MPHOSPH9: variants seen among roughly 807,000 people sequenced by gnomAD.
The protein encoded by MPHOSPH9 is M-phase phosphoprotein 9.
In MPHOSPH9, 88 loss-of-function variants were observed where a neutral mutation model predicts 145.5. The ratio of observed to expected loss-of-function variants is 0.60; its 90% confidence interval spans 0.51 to 0.72. MPHOSPH9 has a LOEUF of 0.72. Among genes scored for constraint, MPHOSPH9 ranks in the 30% least tolerant of loss-of-function variants. The probability of loss-of-function intolerance (pLI) is 0.00; values close to 1 mark genes in which losing one functional copy is unlikely to be tolerated. For missense variants in MPHOSPH9, 1,238 were observed against 1,386.6 expected (o/e 0.89, Z 1.70); for synonymous variants, 435 against 486.2 (o/e 0.89, Z 1.39).
At position 123,160,772 on chromosome 12, in the gene MPHOSPH9, A is replaced by T. The variant is rs1472632179; in HGVS notation, c.3450+9T>A. On this transcript the variant is annotated intron_variant, in intron 23 of 23. Transcript: ENST00000606320. ...GCCTCTAAAGCAGATTCAAGCTAAG[A>T]CATTTCACCTGATTTAATCTTGTCT... The T allele has an allele frequency of 6.2e-7, 1 of 1,613,134 alleles. No homozygotes were observed. Among genetic ancestry groups the T allele is most frequent in the East Asian group, 2.2e-5 (1 of 44,868 alleles).
chr12:123,155,614 CACTGCG>C lies in MPHOSPH9; in HGVS notation c.*1187_*1192del, dbSNP rs1253615377. On this transcript the variant is annotated 3_prime_UTR_variant, in exon 24 of 24. Coordinates refer to ENST00000606320, the MANE Select transcript of MPHOSPH9 (RefSeq NM_022782.4). Reference sequence around the variant, plus strand: ...ATGTACCGAGCTGGAATATGTGGGGCACTGCGTTCTGATTGGCTACCAAAAACTAAG... The same window carrying C: ...ATGTACCGAGCTGGAATATGTGGGGCTTCTGATTGGCTACCAAAAACTAAG... The C allele has an allele frequency of 2.0e-5, 3 of 152,214 alleles. No individual in the cohort carries two copies. The highest frequency in any genetic ancestry group is 7.2e-5 in the African/African-American group (3 of 41,452). 9.4% of individuals were successfully genotyped at this position (152,214 alleles called of 1,614,324 possible). A position where few individuals can be genotyped will look rare whatever the true frequency, so the allele number is the denominator to read the frequency against.
At chr12:123,220,323 T>A (rs560283026) in intron 5 of MPHOSPH9, among the ~76,000 whole-genome samples, 8 of 152,064 alleles carry the variant, frequency 5.3e-5, no homozygotes, top group Admixed American at 5.2e-4. Context: ...CCCAGCACTT[T>A]GGGAGGCTGA....
At chr12:123,157,129 T>C (rs372298728) in intron 23 of MPHOSPH9, among the ~76,000 whole-genome samples, 11 of 152,340 alleles carry the variant, frequency 7.2e-5, no homozygotes, top group Admixed American at 2.0e-4. Flanking sequence ...ATATTCTCAA[T>C]ATGTTTGACA....
chr12:123,194,690 T>C, intron 12 of MPHOSPH9, 89 bp from the exon 13 acceptor site: 1 of 914,266 alleles, frequency 1.1e-6, no homozygotes, highest in Non-Finnish European at 1.6e-6. Context: ...GGCGCAATCT[T>C]GGCCTACTGC....
At position 123,221,560 on chromosome 12, in the gene MPHOSPH9, C is replaced by T. The variant is rs142692470; in HGVS notation, c.684G>A (p.Gln228=). Residue 228 remains glutamine, a synonymous_variant, in exon 5 of 24, where the codon CAG becomes CAA. Coordinates refer to ENST00000606320, the MANE Select transcript of MPHOSPH9 (RefSeq NM_022782.4). The part of the protein sequence containing the change: ...FMEHIDVPKG[Q]YVAPAVPAES... Reference sequence around the variant, plus strand: ...CAGCCGGCACCGCAGGTGCTACATACTGTCCTTTGGGAACATCTATGTGCT... The same window carrying T: ...CAGCCGGCACCGCAGGTGCTACATATTGTCCTTTGGGAACATCTATGTGCT... 1,244 of 1,614,210 alleles carry T rather than the reference C, an allele frequency of 7.7e-4. 11 individuals carry two copies. The African/African-American group carries it at 0.015, about 19-fold the overall frequency.
At chr12:123,197,086 G>A (rs2045988643) in intron 12 of MPHOSPH9, among the ~76,000 whole-genome samples, 1 of 139,700 alleles carries the variant, frequency 7.2e-6, no homozygotes, top group Admixed American at 7.6e-5. Flanking sequence ...AATTGATTGT[G>A]GTGGTGGTTG....
chr12:123,191,049 C>T (rs1209818011), intron 13 of MPHOSPH9, among the ~76,000 whole-genome samples: 1 of 152,070 alleles, frequency 6.6e-6, no homozygotes, highest in Non-Finnish European at 1.5e-5. Flanking sequence ...AGGCCAGGCG[C>T]GGTGGCTCAT....
intron 13 of MPHOSPH9, among the ~76,000 whole-genome samples, chr12:123,182,008 G>A (rs1381065373): frequency 6.6e-6 from 1 of 151,182 alleles, no homozygotes; most frequent in Non-Finnish European, 1.5e-5. Context: ...CTGGAGTACA[G>A]TGGCTCACTG....
chr12:123,216,533 G>C (rs755973341), intron 6 of MPHOSPH9, among the ~76,000 whole-genome samples: 39 of 152,038 alleles, frequency 2.6e-4, no homozygotes, highest in Non-Finnish European at 5.0e-4. Flanking sequence ...CAAATTTAGA[G>C]CAATAAGGGC....
chr12:123,189,730 C>G (rs920934129), intron 13 of MPHOSPH9, among the ~76,000 whole-genome samples: 1 of 151,900 alleles, frequency 6.6e-6, no homozygotes, highest in Non-Finnish European at 1.5e-5. Flanking sequence ...GTCAGGAGAT[C>G]GAGACCATCC....
At chr12:123,237,501 A>G (rs1237440812), upstream of MPHOSPH9, among the ~76,000 whole-genome samples, 1 of 152,192 alleles carries the variant, frequency 6.6e-6, no homozygotes, top group Non-Finnish European at 1.5e-5. Flanking sequence ...TTCATTAGCT[A>G]TCTCTTGAAT....
intron 16 of MPHOSPH9, among the ~76,000 whole-genome samples, chr12:123,169,155 G>A (rs911430785): frequency 6.6e-6 from 1 of 151,612 alleles, no homozygotes; most frequent in Non-Finnish European, 1.5e-5. Flanking sequence ...CCAAAGTGCT[G>A]GGATTACAGG....
intron 21 of MPHOSPH9, among the ~76,000 whole-genome samples, chr12:123,161,845 T>C (rs2044121857): frequency 6.6e-6 from 1 of 152,114 alleles, no homozygotes; most frequent in Non-Finnish European, 1.5e-5. Flanking sequence ...CTAAGCTGCA[T>C]ATAGAGAATA....
At chr12:123,237,081 G>A (rs1329593409), upstream of MPHOSPH9, among the ~76,000 whole-genome samples, 1 of 151,166 alleles carries the variant, frequency 6.6e-6, no homozygotes, top group Non-Finnish European at 1.5e-5. Flanking sequence ...TGAGACTCCG[G>A]CTAAAAAAAA....
At chr12:123,161,089 G>T (rs754169655) in intron 22 of MPHOSPH9, 47 bp downstream of exon 22, 7 of 1,595,620 alleles carry the variant, frequency 4.4e-6, no homozygotes, top group Non-Finnish European at 6.0e-6. Context: ...TTAGACATAA[G>T]CATTAAGTTC....
Position 123,198,429 on chromosome 12 carries a change from G to A in MPHOSPH9, c.1938-95C>T, listed in dbSNP as rs2046070600. 6 of 980,356 alleles carry A rather than the reference G, an allele frequency of 6.1e-6. No individual in the cohort carries two copies. In the South Asian group the frequency reaches 9.0e-5, roughly 15 times the overall value. The allele number at this position is 980,356 out of a possible 1,614,324, so 60.7% of individuals were successfully genotyped here. On this transcript the variant is annotated intron_variant, in intron 11 of 23. Transcript: ENST00000606320. ...ACCAATTCTCTAATATATAACATAA[G>A]ACAAATTCTCCAGTGTTAACTAAGA...
chr12:123,203,938 T>C (rs898178002), intron 8 of MPHOSPH9, among the ~76,000 whole-genome samples: 11 of 152,080 alleles, frequency 7.2e-5, no homozygotes, highest in Non-Finnish European at 1.5e-4. Context: ...CCTCCCACCT[T>C]AGCTTCCCAA....
chr12:123,216,701 A>T (rs1471606321), intron 6 of MPHOSPH9, among the ~76,000 whole-genome samples: 2 of 151,916 alleles, frequency 1.3e-5, no homozygotes, highest in Non-Finnish European at 2.9e-5. Context: ...AATATATTTT[A>T]AAAAAATTTC....
chr12:123,230,117 C>A, intron 2 of MPHOSPH9, 144 bp downstream of exon 2: 1 of 552,404 alleles, frequency 1.8e-6, no homozygotes, highest in Non-Finnish European at 3.1e-6. Flanking sequence ...CCACCGCGCC[C>A]AGCCTCCCTG....
Sources: gnomAD v4.1 joint callset for allele counts (sites outside exome capture counted in the v4.1 genomes callset) on GRCh38, gnomAD v4.1.1 for gene constraint, MANE v1.5 for transcripts, NCBI Gene and HGNC (gene_info 2026-07-23, HGNC 2026-07-21) for gene names.